SEC63: variants seen among roughly 807,000 people sequenced by gnomAD.
SEC63 encodes the protein translocation protein SEC63 homolog.
Under a neutral mutation model 116.2 loss-of-function variants are expected in SEC63, and 56 were observed. The ratio of observed to expected loss-of-function variants is 0.48; its 90% confidence interval spans 0.39 to 0.60. SEC63 has a LOEUF of 0.60. Ranked by LOEUF, SEC63 falls within the 20% of genes least tolerant of loss-of-function variation. SEC63 has a pLI of 0.00. For synonymous variants in SEC63, 273 were observed against 294.6 expected (o/e 0.93, Z 0.75); for missense variants, 668 against 900.0 (o/e 0.74, Z 3.30).
At chr6:107,945,305 C>CTTTTT (rs59290085) in intron 1 of SEC63, among the ~76,000 whole-genome samples, 3 of 138,366 alleles carry the variant, frequency 2.2e-5, no homozygotes, top group African/African-American at 2.7e-5. Context: ...TCTTTCTTTT[C>CTTTTT]TTTTTTTTTT....
chr6:107,922,040 T>C, intron 3 of SEC63, 131 bp from the exon 4 acceptor site: 3 of 620,738 alleles, frequency 4.8e-6, no homozygotes, highest in South Asian at 2.0e-5. Context: ...ACAAAATCCA[T>C]TTTTCATCCT....
intron 1 of SEC63, among the ~76,000 whole-genome samples, chr6:107,952,915 C>A (rs1235975640): frequency 6.6e-6 from 1 of 152,168 alleles, no homozygotes; most frequent in Non-Finnish European, 1.5e-5. Context: ...GGCTACTTAA[C>A]TGTTTCACAG....
intron 16 of SEC63, among the ~76,000 whole-genome samples, chr6:107,892,991 T>C (rs1005740262): frequency 6.6e-6 from 1 of 152,132 alleles, no homozygotes; most frequent in African/African-American, 2.4e-5. Flanking sequence ...CAAAATGCCA[T>C]GTATAAGAAT....
At position 107,958,151 on chromosome 6, in the gene SEC63, A is replaced by T; in HGVS notation, c.-142T>A. ...TCCTCCCCGCCCCCACGCCACTCTC[A>T]CGGACACGCCGCCGCCACCTCTGCC... On this transcript the variant is annotated 5_prime_UTR_variant, in exon 1 of 21. Coordinates refer to ENST00000369002, the MANE Select transcript of SEC63 (RefSeq NM_007214.5). 2 of 1,311,090 alleles carry T rather than the reference A, an allele frequency of 1.5e-6. No individual in the cohort carries two copies. Among genetic ancestry groups the T allele is most frequent in the Non-Finnish European group, 2.1e-6 (2 of 944,634 alleles). 81.2% of individuals were successfully genotyped at this position (1,311,090 alleles called of 1,614,324 possible).
intron 14 of SEC63, among the ~76,000 whole-genome samples, chr6:107,896,155 G>A (rs1786812834): frequency 6.6e-6 from 1 of 151,854 alleles, no homozygotes; most frequent in Non-Finnish European, 1.5e-5. Context: ...AACACAGTGA[G>A]ACCGTGTCTC....
In SEC63 at chr6:107,943,673, G is replaced by T. The variant is rs571279508; in HGVS notation, c.125-14159C>A. ...TCTGAGCAAAGACAACAGAGATGAG[G>T]GAAGAGGTAATGTGACTATCTAGAG... On this transcript the variant is annotated intron_variant, in intron 1 of 20. Coordinates refer to ENST00000369002, the MANE Select transcript of SEC63 (RefSeq NM_007214.5). Among the ~76,000 whole-genome samples the T allele has an allele frequency of 3.9e-5, 6 of 152,288 alleles. No individual in the cohort carries two copies. The South Asian group carries it at 1.2e-3, about 32-fold the overall frequency.
chr6:107,869,687 A>G lies in SEC63; in HGVS notation c.*2017T>C, dbSNP rs183158268. ...TTACCTAAAGCACTCACTAGAGGAA[A>G]TTTTATTTTACTTAGTTGGGAAGTA... is the stretch of plus-strand genomic sequence containing the variant. On this transcript the variant is annotated 3_prime_UTR_variant, in exon 21 of 21. Coordinates refer to ENST00000369002, the MANE Select transcript of SEC63 (RefSeq NM_007214.5). The G allele has an allele frequency of 2.6e-4, 40 of 152,170 alleles. No individual in the cohort carries two copies. The highest frequency in any genetic ancestry group is 2.6e-3 in the Admixed American group (40 of 15,292). The allele number at this position is 152,170 out of a possible 1,614,324, so 9.4% of individuals were successfully genotyped here.
At chr6:107,890,728 A>G (rs926582925) in intron 16 of SEC63, among the ~76,000 whole-genome samples, 3 of 152,136 alleles carry the variant, frequency 2.0e-5, no homozygotes, top group Non-Finnish European at 4.4e-5. Context: ...TTCCATGTTT[A>G]GTGCTTCCTT....
intron 14 of SEC63, among the ~76,000 whole-genome samples, chr6:107,894,393 G>A (rs1039255926): frequency 6.6e-6 from 1 of 152,144 alleles, no homozygotes; most frequent in East Asian, 1.9e-4. Context: ...ATCATCACAG[G>A]TGGAGCATGG....
intron 7 of SEC63, among the ~76,000 whole-genome samples, chr6:107,909,376 CAAAAAAA>C (rs960279937): frequency 1.0e-3 from 66 of 63,624 alleles, no homozygotes; most frequent in African/African-American, 3.4e-3. Context: ...GACTCTGTCT[CAAAAAAA>C]AAAAAAAAGC....
At chr6:107,871,889 G>A (rs1786142917) in intron 20 of SEC63, 42 bp from the exon 21 acceptor site, 1 of 1,600,300 alleles carries the variant, frequency 6.2e-7, no homozygotes. Context: ...AATTTGGGGA[G>A]AAATAATGGA....
At chr6:107,948,232 T>C (rs1770515007) in intron 1 of SEC63, among the ~76,000 whole-genome samples, 1 of 152,110 alleles carries the variant, frequency 6.6e-6, no homozygotes, top group Admixed American at 6.5e-5. Context: ...TCGTAATGTG[T>C]TATATTTACT....
At chr6:107,945,750 A>T (rs1770469751) in intron 1 of SEC63, among the ~76,000 whole-genome samples, 1 of 152,044 alleles carries the variant, frequency 6.6e-6, no homozygotes, top group African/African-American at 2.4e-5. Context: ...TTATGAATAC[A>T]TTTGTAATCA....
In SEC63 at chr6:107,876,665, G is replaced by GCA; in HGVS notation, c.1936-4_1936-3insTG. On this transcript the variant is annotated splice_region_variant and splice_polypyrimidine_tract_variant and intron_variant, in intron 18 of 20. Coordinates refer to ENST00000369002, the MANE Select transcript of SEC63 (RefSeq NM_007214.5). Reference sequence around the variant, plus strand: ...AGCCACCACCATTCTTGTTTTTCCTGGAAACAAAAAAAAAAAAAAAAAAAG... The same window carrying GCA: ...AGCCACCACCATTCTTGTTTTTCCTGCAGAAACAAAAAAAAAAAAAAAAAAAG... The GCA allele has an allele frequency of 1.5e-5, 10 of 655,674 alleles. No individual in the cohort carries two copies. The highest frequency in any genetic ancestry group is 1.4e-5 in the Non-Finnish European group (7 of 497,412). 40.6% of individuals were successfully genotyped at this position (655,674 alleles called of 1,614,324 possible).
intron 1 of SEC63, among the ~76,000 whole-genome samples, chr6:107,954,241 G>T (rs1770654120): frequency 6.6e-6 from 1 of 151,836 alleles, no homozygotes; most frequent in African/African-American, 2.4e-5. Flanking sequence ...TGCAAGATGT[G>T]CTTTGTTAAA....
chr6:107,885,531 T>A (rs1786508166), intron 16 of SEC63, among the ~76,000 whole-genome samples: 1 of 152,148 alleles, frequency 6.6e-6, no homozygotes. Context: ...TAAACCACAA[T>A]CATGAATAAC....
At chr6:107,882,482 C>T (rs974625647) in intron 17 of SEC63, among the ~76,000 whole-genome samples, 9 of 152,128 alleles carry the variant, frequency 5.9e-5, no homozygotes, top group African/African-American at 2.2e-4. Context: ...TTCCCCTGTC[C>T]TTAATATATC....
At chr6:107,946,499 C>T (rs1215420338) in intron 1 of SEC63, among the ~76,000 whole-genome samples, 1 of 152,124 alleles carries the variant, frequency 6.6e-6, no homozygotes, top group East Asian at 1.9e-4. Context: ...GCCACCACAC[C>T]CGGCCAACAT....
At chr6:107,914,295 A>T (rs1427004773) in intron 4 of SEC63, among the ~76,000 whole-genome samples, 1 of 152,156 alleles carries the variant, frequency 6.6e-6, no homozygotes, top group Non-Finnish European at 1.5e-5. Flanking sequence ...AATAAGGAAG[A>T]CATTCTTGGA....
Sources: allele counts gnomAD v4.1 joint callset (sites outside exome capture counted in the v4.1 genomes callset), GRCh38; gene constraint gnomAD v4.1.1; transcripts MANE v1.5; gene names NCBI Gene and HGNC (gene_info 2026-07-23, HGNC 2026-07-21).